IPO8: variants seen among roughly 807,000 people sequenced by gnomAD.
IPO8 encodes importin-8.
IPO8 carries 65 observed loss-of-function variants against 141.2 expected under a neutral mutation model. The ratio of observed to expected loss-of-function variants is 0.46; its 90% CI spans 0.38 to 0.57. The LOEUF (loss-of-function observed/expected upper bound fraction) is 0.57, where lower values mean the gene tolerates loss of function less well. Ranked by LOEUF, IPO8 falls within the 20% of genes least tolerant of loss-of-function variation. The pLI is 0.00. For synonymous variants in IPO8, 411 were observed against 420.3 expected, an observed-to-expected ratio of 0.98 and a Z score of 0.27; for missense variants, 980 against 1,246.8, an observed-to-expected ratio of 0.79 and a Z score of 3.22.
chr12:30,670,688 T>C (rs1193530983), intron 9 of IPO8, among the ~76,000 whole-genome samples: 17 of 152,162 alleles, frequency 1.1e-4, no homozygotes. Flanking sequence ...AAACACTATG[T>C]GCCTTAATAG....
intron 9 of IPO8, among the ~76,000 whole-genome samples, chr12:30,669,748 AGAGT>A (rs1376929952): frequency 2.1e-5 from 3 of 145,518 alleles, no homozygotes; most frequent in Admixed American, 1.4e-4. Flanking sequence ...CCTGTGCAAC[AGAGT>A]GAGACTCCAG....
At chr12:30,672,985 G>A (rs938622427) in intron 8 of IPO8, among the ~76,000 whole-genome samples, 3 of 151,852 alleles carry the variant, frequency 2.0e-5, no homozygotes, top group African/African-American at 7.3e-5. Flanking sequence ...AGCCGGGCAC[G>A]GTGATTCACA....
intron 3 of IPO8, among the ~76,000 whole-genome samples, chr12:30,682,769 G>A (rs2053202051): frequency 6.6e-6 from 1 of 152,022 alleles, no homozygotes. Context: ...CAGTAACTCA[G>A]ATTCACTTAA....
intron 24 of IPO8, 78 bp downstream of exon 24, chr12:30,631,817 G>T: frequency 1.2e-6 from 1 of 839,244 alleles, no homozygotes. Flanking sequence ...GTGTTTAGGT[G>T]CCACCTGGCT....
intron 22 of IPO8, among the ~76,000 whole-genome samples, chr12:30,635,359 T>C (rs1489720294): frequency 1.3e-5 from 2 of 152,114 alleles, no homozygotes; most frequent in Admixed American, 6.5e-5. Flanking sequence ...AGGTGATGGA[T>C]ATATTAGTTT....
intron 19 of IPO8, among the ~76,000 whole-genome samples, chr12:30,649,639 A>G (rs904508046): frequency 1.3e-5 from 2 of 152,190 alleles, no homozygotes; most frequent in Non-Finnish European, 2.9e-5. Flanking sequence ...ATAATTTCAT[A>G]TTACATACCT....
At chr12:30,640,575 C>G (rs539308844) in intron 20 of IPO8, among the ~76,000 whole-genome samples, 16 of 152,206 alleles carry the variant, frequency 1.1e-4, no homozygotes, top group African/African-American at 3.9e-4. Flanking sequence ...TAGTTTAACT[C>G]TACGTCTACT....
In IPO8 at chr12:30,681,424, G is replaced by C. The variant is rs1218078039; in HGVS notation, c.482+235C>G. Among the ~76,000 whole-genome samples, 6 of 152,206 alleles carry C rather than the reference G, an allele frequency of 3.9e-5. No individual in the cohort carries two copies. In the South Asian group the frequency reaches 1.2e-3, roughly 31 times the overall value. On this transcript the variant is annotated intron_variant, in intron 4 of 24. Coordinates refer to ENST00000256079, the MANE Select transcript of IPO8 (RefSeq NM_006390.4). ...ATAAATGGTACTGTGCAACTAACAA[G>C]TTTGAGAAGTGCTTCATATTATATC...
intron 5 of IPO8, 160 bp downstream of exon 5, chr12:30,680,322 T>G: frequency 1.8e-6 from 1 of 547,946 alleles, no homozygotes; most frequent in South Asian, 3.0e-5. Flanking sequence ...CGATCTTGGG[T>G]AATTAATTTC....
intron 17 of IPO8, among the ~76,000 whole-genome samples, chr12:30,654,309 ATT>A (rs557351314): frequency 7.6e-4 from 110 of 144,888 alleles, no homozygotes; most frequent in African/African-American, 2.3e-3. Flanking sequence ...CCAGGGAATG[ATT>A]TTTTTTTTTT....
chr12:30,693,629 A>T (rs893852358), intron 1 of IPO8, among the ~76,000 whole-genome samples: 1 of 152,146 alleles, frequency 6.6e-6, no homozygotes, highest in African/African-American at 2.4e-5. Context: ...AGCAGGCAAA[A>T]CCCATCATCA....
At chr12:30,671,674 CAAAAAAA>C (rs71052423) in intron 8 of IPO8, among the ~76,000 whole-genome samples, 42 of 56,478 alleles carry the variant, frequency 7.4e-4, no homozygotes, top group Admixed American at 6.8e-3. Flanking sequence ...GACTCTGCCT[CAAAAAAA>C]AAAAAAAAAA....
chr12:30,653,420 A>AT lies in IPO8; in HGVS notation c.1949-329dup, dbSNP rs1354249122. On this transcript the variant is annotated intron_variant, in intron 17 of 24. Coordinates refer to ENST00000256079, the MANE Select transcript of IPO8 (RefSeq NM_006390.4). ...TAGAAATAGATACAAGAAGGAATAG[A>AT]TTATCATTCCTCATTTATGTCGAGG... Among the ~76,000 whole-genome samples the AT allele has an allele frequency of 7.2e-5, 11 of 152,184 alleles. 1 individual carries two copies. In the East Asian group the frequency reaches 2.1e-3, roughly 29 times the overall value.
chr12:30,650,300 C>G (rs1354163846), intron 19 of IPO8, among the ~76,000 whole-genome samples: 1 of 151,802 alleles, frequency 6.6e-6, no homozygotes, highest in African/African-American at 2.4e-5. Context: ...TCATTCTCTC[C>G]CAAAATGCTA....
intron 8 of IPO8, among the ~76,000 whole-genome samples, chr12:30,672,103 C>T (rs2053059773): frequency 6.6e-6 from 1 of 152,044 alleles, no homozygotes; most frequent in African/African-American, 2.4e-5. Flanking sequence ...GCCAAAGCAC[C>T]TCTGAACTGG....
chr12:30,695,741 C>G lies in IPO8; in HGVS notation c.-94G>C, dbSNP rs12809335. 3 of 1,156,830 alleles carry G rather than the reference C, an allele frequency of 2.6e-6. No individual in the cohort carries two copies. The South Asian group carries it at 4.2e-5, about 16-fold the overall frequency. The allele number at this position is 1,156,830 out of a possible 1,614,324, so 71.7% of individuals were successfully genotyped here. A position where few individuals can be genotyped will look rare whatever the true frequency, so the allele number is the denominator to read the frequency against. On this transcript the variant is annotated 5_prime_UTR_variant, in exon 1 of 25. Transcript: ENST00000256079. This position sits in a 1 kb window ranked among gnomAD's most constrained non-coding sequence, Gnocchi z 4.2. ...CCTCTCAGCCTCCTCTTCCGCGACC[C>G]CTGGATTACCTCACACCCCACCCCC...
rs1472559416 is a variant in IPO8 at position 30,690,555 on chromosome 12, G to A, written c.107C>T (p.Ala36Val). ...GACTATAATCCGAAGTAAACTGGGG[G>A]CAAAATTGATAATCTTGTAGGACTG... ...LNQSYKIINFAPSLLRIIVSD... is the reference protein window; with the variant it reads ...LNQSYKIINFVPSLLRIIVSD... Residue 36 changes from alanine (A) to valine (V), a missense_variant, in exon 2 of 25, where the codon GCC becomes GTC. Transcript: ENST00000256079. 1.9e-6 allele frequency: 3 copies of A among 1,586,570 alleles called. No homozygotes were observed. Among genetic ancestry groups the A allele is most frequent in the South Asian group, 1.2e-5 (1 of 86,656 alleles).
At chr12:30,658,132 T>C (rs1010718819) in intron 16 of IPO8, among the ~76,000 whole-genome samples, 4 of 152,330 alleles carry the variant, frequency 2.6e-5, no homozygotes, top group African/African-American at 9.6e-5. Flanking sequence ...CTTAAACTAC[T>C]GTCTTAAGGT....
chr12:30,630,798 C>G lies in IPO8; in HGVS notation c.*62G>C. 3.6e-6 allele frequency: 5 copies of G among 1,375,598 alleles called. No homozygotes were observed. The South Asian group carries it at 5.9e-5, about 16-fold the overall frequency. 85.2% of individuals were successfully genotyped at this position (1,375,598 alleles called of 1,614,324 possible). On this transcript the variant is annotated 3_prime_UTR_variant, in exon 25 of 25. Coordinates refer to ENST00000256079, the MANE Select transcript of IPO8 (RefSeq NM_006390.4). The stretch of plus-strand genomic sequence containing the variant: ...AGCCCCTCATTTCATCCCCTTGACC[C>G]TCACACTCCTCTTGTGAAATAAAAT...
Sources: gnomAD v4.1 joint callset for allele counts (sites outside exome capture counted in the v4.1 genomes callset) on GRCh38, gnomAD v4.1.1 for gene constraint, Gnocchi (gnomAD v3.1) non-coding constraint, MANE v1.5 for transcripts, NCBI Gene and HGNC (gene_info 2026-07-23, HGNC 2026-07-21) for gene names.